Variants in KCNC2 observed in about 807,000 individuals in gnomAD.
KCNC2 encodes the protein voltage-gated potassium channel KCNC2.
Under a neutral mutation model 44.5 loss-of-function variants are expected in KCNC2, and 21 were observed. The ratio of observed to expected loss-of-function variants is 0.47; its 90% confidence interval spans 0.33 to 0.68. KCNC2 has a LOEUF of 0.68. Among genes scored for constraint, KCNC2 ranks in the 30% least tolerant of loss-of-function variants. The probability of loss-of-function intolerance (pLI) is 0.01; values close to 1 mark genes in which losing one functional copy is unlikely to be tolerated. For missense variants in KCNC2, 589 were observed against 826.2 expected, an observed-to-expected ratio of 0.71 and a Z score of 3.52; for synonymous variants, 391 against 339.1, an observed-to-expected ratio of 1.15 and a Z score of -1.68.
chr12:75,179,682 T>A (rs1468381718), intron 2 of KCNC2, among the ~76,000 whole-genome samples: 3 of 149,910 alleles, frequency 2.0e-5, no homozygotes, highest in Non-Finnish European at 4.4e-5. Flanking sequence ...TTATAAAAAC[T>A]ATAAAAGATA....
chr12:75,185,503 T>C (rs1309899156), intron 2 of KCNC2, among the ~76,000 whole-genome samples: 3 of 151,960 alleles, frequency 2.0e-5, no homozygotes, highest in Non-Finnish European at 4.4e-5. Context: ...ACTCTCTGTT[T>C]CTTATCCTCT....
chr12:75,158,476 C>T (rs1251149229), intron 2 of KCNC2, among the ~76,000 whole-genome samples: 1 of 151,864 alleles, frequency 6.6e-6, no homozygotes, highest in African/African-American at 2.4e-5. Flanking sequence ...AAAGTAACAG[C>T]CTACATTCTC....
intron 4 of KCNC2, among the ~76,000 whole-genome samples, chr12:75,047,082 A>C (rs1880609377): frequency 6.6e-6 from 1 of 151,668 alleles, no homozygotes; most frequent in South Asian, 2.1e-4. Context: ...AAAGTTTTAA[A>C]GTGGATTTTT....
chr12:75,045,393 T>C (rs1316364058), intron 4 of KCNC2, among the ~76,000 whole-genome samples: 1 of 152,022 alleles, frequency 6.6e-6, no homozygotes, highest in African/African-American at 2.4e-5. Context: ...ATATTTCTAA[T>C]GACTATAATT....
chr12:75,122,549 G>A (rs1005555624), intron 2 of KCNC2, among the ~76,000 whole-genome samples: 1 of 152,080 alleles, frequency 6.6e-6, no homozygotes, highest in Non-Finnish European at 1.5e-5. Flanking sequence ...TTAAGATAAG[G>A]AAAGTAGAAT....
intron 2 of KCNC2, among the ~76,000 whole-genome samples, chr12:75,120,281 G>A (rs959645146): frequency 2.0e-5 from 3 of 152,198 alleles, no homozygotes; most frequent in African/African-American, 7.2e-5. Flanking sequence ...TTATGTTGCA[G>A]TATAGACCAC....
chr12:75,146,590 A>T (rs1890044689), intron 2 of KCNC2, among the ~76,000 whole-genome samples: 1 of 152,380 alleles, frequency 6.6e-6, no homozygotes, highest in African/African-American at 2.4e-5. Flanking sequence ...TATTAAAAAT[A>T]GTGCAACCAT....
intron 2 of KCNC2, among the ~76,000 whole-genome samples, chr12:75,120,374 C>T (rs1326450901): frequency 2.0e-5 from 3 of 152,166 alleles, no homozygotes; most frequent in African/African-American, 4.8e-5. Flanking sequence ...ATAGACTCCC[C>T]GCTGCTGGCA....
intron 2 of KCNC2, among the ~76,000 whole-genome samples, chr12:75,154,294 C>T (rs1890611563): frequency 6.6e-6 from 1 of 151,926 alleles, no homozygotes; most frequent in Non-Finnish European, 1.5e-5. Context: ...ATTTGGATGA[C>T]AGCATTTGAA....
At chr12:75,043,985 T>C (rs1565802857) in intron 4 of KCNC2, among the ~76,000 whole-genome samples, 2 of 152,030 alleles carry the variant, frequency 1.3e-5, no homozygotes, top group Non-Finnish European at 2.9e-5. Context: ...ATCTTTTCTT[T>C]CTATTATATC....
At chr12:75,187,587 T>C (rs978152620) in intron 2 of KCNC2, among the ~76,000 whole-genome samples, 1 of 152,154 alleles carries the variant, frequency 6.6e-6, no homozygotes, top group Non-Finnish European at 1.5e-5. Context: ...AGAAGAGATA[T>C]AGCGAAGGCC....
intron 3 of KCNC2, 87 bp downstream of exon 3, chr12:75,050,303 G>A: frequency 1.0e-6 from 1 of 989,400 alleles, no homozygotes; most frequent in Middle Eastern, 2.3e-4. Flanking sequence ...ATGAACATTT[G>A]CAGAAAATGA....
At chr12:75,172,455 A>T (rs1891895002) in intron 2 of KCNC2, among the ~76,000 whole-genome samples, 1 of 151,770 alleles carries the variant, frequency 6.6e-6, no homozygotes, top group Admixed American at 6.6e-5. Context: ...AGAAATTTGC[A>T]CATCCTGCAC....
At chr12:75,190,849 T>A (rs1356781767) in intron 2 of KCNC2, among the ~76,000 whole-genome samples, 3 of 152,014 alleles carry the variant, frequency 2.0e-5, no homozygotes, top group African/African-American at 7.2e-5. Flanking sequence ...ACAAATTATA[T>A]GTATATAGTA....
chr12:75,138,226 T>C (rs1053220263), intron 2 of KCNC2, among the ~76,000 whole-genome samples: 10 of 152,186 alleles, frequency 6.6e-5, no homozygotes, highest in Non-Finnish European at 1.2e-4. Context: ...GGGAAAAAAA[T>C]CCACTGTAAA....
intron 2 of KCNC2, among the ~76,000 whole-genome samples, chr12:75,059,637 G>A (rs74873758): frequency 0.034 from 5,177 of 152,000 alleles, 290 homozygotes; most frequent in African/African-American, 0.12. Flanking sequence ...CAGGAAAATA[G>A]GTGTCTCCTA....
intron 3 of KCNC2, among the ~76,000 whole-genome samples, chr12:75,049,626 T>G (rs1880953701): frequency 6.6e-6 from 1 of 151,972 alleles, no homozygotes; most frequent in South Asian, 2.1e-4. Context: ...AAAATTCAGT[T>G]CTGAGAGAGA....
chr12:75,082,970 T>C (rs1185319175), intron 2 of KCNC2, among the ~76,000 whole-genome samples: 1 of 151,306 alleles, frequency 6.6e-6, no homozygotes, highest in Non-Finnish European at 1.5e-5. Flanking sequence ...AAAATAGAGA[T>C]AGAGGCATCT....
chr12:75,171,821 A>G (rs549392059), intron 2 of KCNC2, among the ~76,000 whole-genome samples: 2 of 151,942 alleles, frequency 1.3e-5, no homozygotes, highest in Admixed American at 1.3e-4. Context: ...ATCTCAGTTA[A>G]CCTGATTTGA....
Sources: allele counts gnomAD v4.1 joint callset (sites outside exome capture counted in the v4.1 genomes callset), GRCh38; gene constraint gnomAD v4.1.1; transcripts MANE v1.5; gene names NCBI Gene and HGNC (gene_info 2026-07-23, HGNC 2026-07-21).